Variants in HEATR6 observed in about 807,000 individuals in gnomAD.
HEATR6 encodes the protein HEAT repeat-containing protein 6.
A neutral mutation model predicts 132.8 loss-of-function variants in HEATR6; 106 were observed. The observed-to-expected ratio is 0.80, with a 90% CI of 0.68 to 0.94. HEATR6 has a LOEUF of 0.94. Among genes scored for constraint, HEATR6 ranks in the 40% least tolerant of loss-of-function variants. The pLI, the probability that HEATR6 is intolerant of heterozygous loss-of-function variation, is 0.00. For synonymous variants in HEATR6, 529 were observed against 537.8 expected (o/e 0.98, Z 0.23); for missense variants, 1,339 against 1,425.1 (o/e 0.94, Z 0.97).
At chr17:60,060,961 G>GT (rs2083207539) in intron 9 of HEATR6, among the ~76,000 whole-genome samples, 1 of 152,184 alleles carries the variant, frequency 6.6e-6, no homozygotes, top group African/African-American at 2.4e-5. Flanking sequence ...AAGGTTGAAA[G>GT]ATTACTTTCA....
intron 8 of HEATR6, among the ~76,000 whole-genome samples, chr17:60,067,097 C>T (rs1488162186): frequency 1.3e-5 from 2 of 151,432 alleles, no homozygotes; most frequent in Admixed American, 6.6e-5. Flanking sequence ...GGTGAAACCC[C>T]GTCTCTACTA....
Position 60,066,387 on chromosome 17 carries a change from C to T in HEATR6, c.1239-1G>A. 1 of 1,553,818 alleles carries T rather than the reference C, an allele frequency of 6.4e-7. No homozygotes were observed. Among genetic ancestry groups the T allele is most frequent in the Non-Finnish European group, 8.7e-7 (1 of 1,154,948 alleles). ...TTGGCGAACTTTAGCTTGGTAAGAC[C>T]TTTCATAACCAAGAGAAAAAAGAAA... On this transcript the variant is annotated splice_acceptor_variant, in intron 8 of 19. Coordinates refer to ENST00000184956, the MANE Select transcript of HEATR6 (RefSeq NM_022070.5). LOFTEE classifies it high-confidence loss of function.
rs1468898325 is a variant in HEATR6 at position 60,072,223 on chromosome 17, A to C, written c.691T>G (p.Phe231Val). The C allele has an allele frequency of 6.4e-7, 1 of 1,557,958 alleles. No homozygotes were observed. Among genetic ancestry groups the C allele is most frequent in the Admixed American group, 1.7e-5 (1 of 58,528 alleles). ...PKSSDMDDIT[F>V]CMLLQNALKG... ...AATGATAGTCCACTTACCATGCAAA[A>C]TGTGATATCATCCATATCAGATGAT... Residue 231 changes from phenylalanine (F) to valine (V), a missense_variant, in exon 5 of 20, where the codon TTT becomes GTT. Physicochemically the swap from Phe to Val is conservative, Grantham distance 50 (BLOSUM62 -1). Transcript: ENST00000184956.
chr17:60,058,014 A>G (rs532695133), intron 11 of HEATR6, among the ~76,000 whole-genome samples: 9 of 152,292 alleles, frequency 5.9e-5, no homozygotes, highest in South Asian at 2.1e-4. Flanking sequence ...TAATTACTGT[A>G]GTTTTATAGT....
intron 7 of HEATR6, 85 bp from the exon 8 acceptor site, chr17:60,067,817 G>A: frequency 9.6e-7 from 1 of 1,046,482 alleles, no homozygotes; most frequent in Non-Finnish European, 1.4e-6. Context: ...ATTTTAAAGT[G>A]ACTAAATATG....
At chr17:60,066,071 T>C (rs1432619433) in intron 9 of HEATR6, 138 bp downstream of exon 9, 1 of 684,118 alleles carries the variant, frequency 1.5e-6, no homozygotes, top group Non-Finnish European at 2.5e-6. Context: ...TTTTCCTGTC[T>C]GTCCAGTGGT....
At chr17:60,069,911 C>T in intron 6 of HEATR6, 63 bp from the exon 7 acceptor site, 1 of 1,573,938 alleles carries the variant, frequency 6.4e-7, no homozygotes, top group Non-Finnish European at 8.7e-7. Context: ...TAATCATAAA[C>T]CATTAATCAT....
At chr17:60,051,092 T>C in intron 14 of HEATR6, 115 bp from the exon 15 acceptor site, 7 of 1,124,108 alleles carry the variant, frequency 6.2e-6, no homozygotes, top group Non-Finnish European at 8.8e-6. Flanking sequence ...GTAGCAGCTT[T>C]CTGTAAGTGT....
Position 60,059,895 on chromosome 17 carries a change from T to C in HEATR6, c.1618A>G (p.Ile540Val). 6.2e-7 allele frequency: 1 copy of C among 1,612,934 alleles called. No homozygotes were observed. The highest frequency in any genetic ancestry group is 8.5e-7 in the Non-Finnish European group (1 of 1,179,084). ...ACCCACAGTTGGTACATTACCTTAA[T>C]TATCTGAGTAACGGTCTGTGAGGAT... ...ESSSQTVTQIIKCLANLVSNA... is the reference protein window; with the variant it reads ...ESSSQTVTQIVKCLANLVSNA... The change falls in exon 10 of 20, where the codon ATT becomes GTT. Residue 540 changes from isoleucine to valine, a missense_variant. Ile to Val is a conservative substitution (Grantham distance 29). Transcript: ENST00000184956.
rs374473667 is a variant in HEATR6, at chr17:60,042,366, T to C, written c.*1197A>G. ...ACCGTCAGCATCCTTGCGTCCTGTGTGGCTGTGAGGCACTGTCAGCATCCT... is the reference window on the plus strand; with the variant it reads ...ACCGTCAGCATCCTTGCGTCCTGTGCGGCTGTGAGGCACTGTCAGCATCCT... On this transcript the variant is annotated 3_prime_UTR_variant, in exon 20 of 20. Coordinates refer to ENST00000184956, the MANE Select transcript of HEATR6 (RefSeq NM_022070.5). 0.014 allele frequency among the ~76,000 whole-genome samples: 1,795 copies of C among 129,756 alleles called. 25 individuals are homozygous for C. Among genetic ancestry groups the C allele is most frequent in the African/African-American group, 0.037 (1,269 of 33,950 alleles). The allele number at this position is 129,756 out of a possible 152,430, so 85.1% of individuals were successfully genotyped here. A position where few individuals can be genotyped will look rare whatever the true frequency, so the allele number is the denominator to read the frequency against.
In HEATR6 at chr17:60,045,377, C is replaced by T. The variant is rs138875935; in HGVS notation, c.2974+648G>A. 1.2e-4 allele frequency among the ~76,000 whole-genome samples: 19 copies of T among 152,276 alleles called. 1 individual carries two copies. The East Asian group carries it at 3.7e-3, about 29-fold the overall frequency. ...TCTGAGAGAGAGAGATGCAATAAAGCGAACGCTGGCATTCAAAGTGAGCGA... is the reference window on the plus strand; with the variant it reads ...TCTGAGAGAGAGAGATGCAATAAAGTGAACGCTGGCATTCAAAGTGAGCGA... On this transcript the variant is annotated intron_variant, in intron 19 of 19. Transcript: ENST00000184956.
intron 10 of HEATR6, 98 bp from the exon 11 acceptor site, chr17:60,059,619 A>G: frequency 1.2e-6 from 1 of 805,890 alleles, no homozygotes; most frequent in Non-Finnish European, 2.0e-6. Flanking sequence ...GTTTTCACAC[A>G]ACTAAAAATT....
chr17:60,043,389 G>A lies in HEATR6; in HGVS notation c.*174C>T, dbSNP rs1011406912. The A allele has an allele frequency of 4.9e-6, 3 of 615,654 alleles. No individual in the cohort carries two copies. The highest frequency in any genetic ancestry group is 8.5e-6 in the Non-Finnish European group (3 of 351,612). 38.1% of individuals were successfully genotyped at this position (615,654 alleles called of 1,614,324 possible). ...AACCCTGACCATGGCCAGTGCTATG[G>A]AGTCACTCCAAAGGTGGTTGAGCCC... On this transcript the variant is annotated 3_prime_UTR_variant, in exon 20 of 20. Coordinates refer to ENST00000184956, the MANE Select transcript of HEATR6 (RefSeq NM_022070.5).
At position 60,041,278 on chromosome 17, in the gene HEATR6, G is replaced by A. The variant is rs1438451597; in HGVS notation, c.*2285C>T. ...ACATCAGGATCTGGAAACCTTTACA[G>A]AAGCTGAAGTTTTAAAAAGAAAATG... On this transcript the variant is annotated 3_prime_UTR_variant, in exon 20 of 20. Coordinates refer to ENST00000184956, the MANE Select transcript of HEATR6 (RefSeq NM_022070.5). 2.0e-5 allele frequency among the ~76,000 whole-genome samples: 3 copies of A among 152,210 alleles called. No individual in the cohort carries two copies. Among genetic ancestry groups the A allele is most frequent in the African/African-American group, 4.8e-5 (2 of 41,456 alleles).
intron 13 of HEATR6, among the ~76,000 whole-genome samples, 198 bp downstream of exon 13, chr17:60,055,917 T>A (rs1475465474): frequency 5.3e-5 from 8 of 152,206 alleles, no homozygotes; most frequent in African/African-American, 1.9e-4. Flanking sequence ...ACTGAGTCAA[T>A]GCGTGGGGTT....
chr17:60,075,879 C>A (rs1247952510), intron 2 of HEATR6: 5 of 252,332 alleles, frequency 2.0e-5, no homozygotes, highest in Non-Finnish European at 3.0e-5. Flanking sequence ...GGTTGGGGGG[C>A]CTGAATGATA....
At chr17:60,054,628 C>T (rs1906685581) in intron 14 of HEATR6, among the ~76,000 whole-genome samples, 1 of 152,208 alleles carries the variant, frequency 6.6e-6, no homozygotes, top group Admixed American at 6.5e-5. Context: ...TTGTGTGGGG[C>T]TTGTTGCCCC....
At chr17:60,072,715 C>T (rs748397490) in intron 4 of HEATR6, among the ~76,000 whole-genome samples, 1 of 152,172 alleles carries the variant, frequency 6.6e-6, no homozygotes, top group African/African-American at 2.4e-5. Flanking sequence ...TATGCAGAGA[C>T]GAGTTCACAT....
intron 16 of HEATR6, among the ~76,000 whole-genome samples, chr17:60,048,971 ACATATATATATAATATAT>A (rs1194247771): frequency 0.14 from 14,469 of 106,488 alleles, 1,261 homozygotes; most frequent in African/African-American, 0.32. Context: ...AAAATAAATA[ACATATATATATAATATAT>A]ATATATATAT....
Sources: allele counts gnomAD v4.1 joint callset (sites outside exome capture counted in the v4.1 genomes callset), GRCh38; gene constraint gnomAD v4.1.1; transcripts MANE v1.5; gene names NCBI Gene and HGNC (gene_info 2026-07-23, HGNC 2026-07-21).